CCSER1: variants seen among roughly 807,000 people sequenced by gnomAD.
The protein encoded by CCSER1 is serine-rich coiled-coil domain-containing protein 1.
CCSER1 carries 41 observed loss-of-function variants against 82.0 expected under a neutral mutation model. The observed-to-expected ratio is 0.50, with a 90% CI of 0.39 to 0.65. The LOEUF (loss-of-function observed/expected upper bound fraction) is 0.65. Among genes scored for constraint, CCSER1 ranks in the 30% least tolerant of loss-of-function variants. The probability of loss-of-function intolerance (pLI) is 0.00; values close to 1 mark genes in which losing one functional copy is unlikely to be tolerated. For synonymous variants in CCSER1, 414 were observed against 383.9 expected (o/e 1.08, Z -0.92); for missense variants, 1,119 against 1,064.2 (o/e 1.05, Z -0.72).
intron 1 of CCSER1, among the ~76,000 whole-genome samples, chr4:90,205,943 G>T (rs960173380): frequency 1.3e-5 from 2 of 152,100 alleles, no homozygotes; most frequent in African/African-American, 2.4e-5. Context: ...TATGTGTTCA[G>T]GAATTTATCC....
intron 7 of CCSER1, 33 bp from the exon 8 acceptor site, chr4:90,815,729 G>T (rs190279214): frequency 2.0e-6 from 3 of 1,485,240 alleles, no homozygotes; most frequent in Admixed American, 4.0e-5. Context: ...AAAGGGCTAA[G>T]CCTATTATGC....
At chr4:91,221,873 T>A (rs1737779335) in intron 10 of CCSER1, among the ~76,000 whole-genome samples, 1 of 152,116 alleles carries the variant, frequency 6.6e-6, no homozygotes, top group Non-Finnish European at 1.5e-5. Flanking sequence ...CTATGGATAA[T>A]TACTTATAAG....
At chr4:90,948,124 G>T (rs1331083013) in intron 9 of CCSER1, among the ~76,000 whole-genome samples, 6 of 151,520 alleles carry the variant, frequency 4.0e-5, no homozygotes, top group Non-Finnish European at 7.4e-5. Flanking sequence ...GAAATCCTTG[G>T]TACTATTTTT....
rs1335449771 is a variant in CCSER1, at chr4:91,603,931, C to CATCTAA, written c.*4876_*4881dup. ...CATGGGGGCCCCACCCTCATAATCT[C>CATCTAA]ATCTAAACCTAATTACTTCCCAAGC... On this transcript the variant is annotated 3_prime_UTR_variant, in exon 11 of 11. Coordinates refer to ENST00000509176, the MANE Select transcript of CCSER1 (RefSeq NM_001145065.2). The CATCTAA allele has an allele frequency of 6.6e-6, 1 of 152,006 alleles. No homozygotes were observed. Among genetic ancestry groups the CATCTAA allele is most frequent in the Non-Finnish European group, 1.5e-5 (1 of 67,998 alleles). The allele number at this position is 152,006 out of a possible 1,614,324, so 9.4% of individuals were successfully genotyped here.
At chr4:91,388,846 A>G (rs967592974) in intron 10 of CCSER1, among the ~76,000 whole-genome samples, 5 of 151,754 alleles carry the variant, frequency 3.3e-5, no homozygotes, top group Admixed American at 1.3e-4. Context: ...TTGTTTCTCC[A>G]TATAAACTTT....
intron 10 of CCSER1, among the ~76,000 whole-genome samples, chr4:91,147,828 C>T (rs1383451562): frequency 6.6e-6 from 1 of 152,168 alleles, no homozygotes; most frequent in African/African-American, 2.4e-5. Flanking sequence ...AAAAATGATA[C>T]ACTTAAAACA....
chr4:90,406,254 A>T (rs1218339167), intron 4 of CCSER1, among the ~76,000 whole-genome samples: 2 of 152,204 alleles, frequency 1.3e-5, no homozygotes, highest in Non-Finnish European at 2.9e-5. Context: ...AACAGCAGTT[A>T]AAAAAGGCAA....
chr4:90,767,179 G>T (rs1282947887), intron 7 of CCSER1, among the ~76,000 whole-genome samples: 1 of 152,090 alleles, frequency 6.6e-6, no homozygotes, highest in Non-Finnish European at 1.5e-5. Context: ...AAAAGATATG[G>T]CATAACAGAT....
intron 10 of CCSER1, among the ~76,000 whole-genome samples, chr4:91,235,826 T>A (rs1304193038): frequency 6.6e-6 from 1 of 152,134 alleles, no homozygotes; most frequent in Non-Finnish European, 1.5e-5. Flanking sequence ...AAGTATAGAA[T>A]GATCAGAAAT....
rs768797066 is a variant in CCSER1 at position 90,839,005 on chromosome 4, C to T, written c.2094+23160C>T. 36 of 1,612,540 alleles carry T rather than the reference C, an allele frequency of 2.2e-5. 1 individual carries two copies. In the Admixed American group the frequency reaches 5.8e-4, roughly 26 times the overall value. ...TCTTCAGTTTCGGCTTATCGAATTT[C>T]TCGATCTCAGCCATATCGGGTTTGT... On this transcript the variant is annotated intron_variant, in intron 8 of 10. Transcript: ENST00000509176.
intron 2 of CCSER1, 33 bp downstream of exon 2, chr4:90,309,641 T>C: frequency 6.9e-7 from 1 of 1,457,498 alleles, no homozygotes; most frequent in African/African-American, 1.4e-5. Context: ...ACAAATGATA[T>C]GAATTAATTT....
intron 10 of CCSER1, among the ~76,000 whole-genome samples, chr4:91,196,983 A>G (rs1441189948): frequency 6.6e-6 from 1 of 152,166 alleles, no homozygotes; most frequent in East Asian, 1.9e-4. Context: ...TACTCCTACA[A>G]TTTTACACAG....
chr4:90,276,243 TTTCTTTCTTTCCTTCCTTCCTTCC>T (rs1727632322), intron 1 of CCSER1, among the ~76,000 whole-genome samples: 2 of 108,438 alleles, frequency 1.8e-5, no homozygotes, highest in African/African-American at 3.7e-5. Flanking sequence ...TCTTTCTTTC[TTTCTTTCTTTCCTTCCTTCCTTCC>T]TTCCTTCCTT....
chr4:90,738,041 T>C (rs901967337), intron 7 of CCSER1, among the ~76,000 whole-genome samples: 2 of 152,216 alleles, frequency 1.3e-5, no homozygotes, highest in African/African-American at 4.8e-5. Context: ...AATAACTATT[T>C]TGAATTCTCT....
At chr4:90,263,114 C>A (rs1724629791) in intron 1 of CCSER1, among the ~76,000 whole-genome samples, 1 of 152,184 alleles carries the variant, frequency 6.6e-6, no homozygotes, top group African/African-American at 2.4e-5. Flanking sequence ...GCAATAGCAT[C>A]TCTGCTATGA....
intron 10 of CCSER1, among the ~76,000 whole-genome samples, chr4:91,178,856 G>A (rs975818624): frequency 1.3e-5 from 2 of 152,098 alleles, no homozygotes; most frequent in Non-Finnish European, 1.5e-5. Context: ...ATGTTAGCTG[G>A]ATATTTTGCT....
intron 4 of CCSER1, among the ~76,000 whole-genome samples, chr4:90,414,828 A>G (rs111955455): frequency 2.6e-5 from 4 of 152,338 alleles, no homozygotes; most frequent in African/African-American, 7.2e-5. Context: ...GTTATGAACT[A>G]TACAATTTGT....
At chr4:90,933,617 AAG>A (rs1436129622) in intron 9 of CCSER1, among the ~76,000 whole-genome samples, 1 of 152,116 alleles carries the variant, frequency 6.6e-6, no homozygotes, top group African/African-American at 2.4e-5. Context: ...CAAAACTAAA[AAG>A]AATTTATGTA....
At chr4:91,245,176 G>T (rs1739666632) in intron 10 of CCSER1, among the ~76,000 whole-genome samples, 1 of 152,122 alleles carries the variant, frequency 6.6e-6, no homozygotes, top group Non-Finnish European at 1.5e-5. Flanking sequence ...AAATGTAAGA[G>T]TAATTGGTTT....
Sources: allele counts gnomAD v4.1 joint callset (sites outside exome capture counted in the v4.1 genomes callset), GRCh38; gene constraint gnomAD v4.1.1; transcripts MANE v1.5; gene names NCBI Gene and HGNC (gene_info 2026-07-23, HGNC 2026-07-21).